The following ITPR1 variants were observed in gnomAD, a reference collection of about 807,000 sequenced individuals.
The protein encoded by ITPR1 is inositol 1,4,5-trisphosphate-gated calcium channel ITPR1.
A neutral mutation model predicts 318.4 loss-of-function variants in ITPR1; 96 were observed. The ratio of observed to expected loss-of-function variants is 0.30; its 90% CI spans 0.26 to 0.36. ITPR1 has a LOEUF of 0.36. Ranked by LOEUF, ITPR1 falls within the 10% of genes least tolerant of loss-of-function variation. The pLI, the probability that ITPR1 is intolerant of heterozygous loss-of-function variation, is 1.00. For missense variants in ITPR1, 2,440 were observed against 3,460.2 expected, an observed-to-expected ratio of 0.71 and a Z score of 7.40; for synonymous variants, 1,312 against 1,289.9, an observed-to-expected ratio of 1.02 and a Z score of -0.37.
chr3:4,845,107 G>A (rs1259903944), intron 61 of ITPR1, among the ~76,000 whole-genome samples: 1 of 152,218 alleles, frequency 6.6e-6, no homozygotes, highest in East Asian at 1.9e-4. Flanking sequence ...TGAGAAAACA[G>A]ACTTTGATAA....
chr3:4,662,117 A>T lies in ITPR1; in HGVS notation c.1287A>T (p.Ala429=). The change falls in exon 15 of 62, where the codon GCA becomes GCT. Residue 429 remains alanine, a synonymous_variant. Coordinates refer to ENST00000649015, the MANE Select transcript of ITPR1 (RefSeq NM_001378452.1). The stretch of plus-strand genomic sequence containing the variant: ...CTCCTGTGAAGGAGGATAAGGAAGC[A>T]TTTGCCATAGTTCCGGTTTCTCCTG... The part of the protein sequence containing the change: ...GTSPVKEDKE[A]FAIVPVSPAE... 6.2e-7 allele frequency: 1 copy of T among 1,613,822 alleles called. No individual in the cohort carries two copies.
chr3:4,753,696 C>A (rs1449617985), intron 44 of ITPR1, among the ~76,000 whole-genome samples: 1 of 152,144 alleles, frequency 6.6e-6, no homozygotes, highest in African/African-American at 2.4e-5. Context: ...AAGCCAGTGT[C>A]CTTGCCTCCA....
intron 4 of ITPR1, among the ~76,000 whole-genome samples, chr3:4,624,958 A>G (rs892569389): frequency 2.0e-5 from 3 of 152,342 alleles, no homozygotes. Flanking sequence ...GCAAATGACC[A>G]TGACCTGTGT....
chr3:4,771,833 C>T (rs2171537), intron 46 of ITPR1, among the ~76,000 whole-genome samples: 103,407 of 151,874 alleles, frequency 0.68, 35,984 homozygotes, highest in East Asian at 0.76. Context: ...CTTGGGGGAG[C>T]GCACGGGATC....
intron 39 of ITPR1, among the ~76,000 whole-genome samples, chr3:4,712,527 CA>C (rs1442573930): frequency 6.6e-6 from 1 of 152,208 alleles, no homozygotes; most frequent in Non-Finnish European, 1.5e-5. Flanking sequence ...CACTCATTTT[CA>C]TTTGAAGGTA....
At chr3:4,764,659 C>T (rs2045689412) in intron 44 of ITPR1, among the ~76,000 whole-genome samples, 1 of 152,158 alleles carries the variant, frequency 6.6e-6, no homozygotes, top group South Asian at 2.1e-4. Context: ...GTGGTGGGCC[C>T]AAAAGATGAG....
chr3:4,703,185 A>G (rs1036173369), intron 36 of ITPR1, among the ~76,000 whole-genome samples: 1 of 152,196 alleles, frequency 6.6e-6, no homozygotes, highest in Admixed American at 6.5e-5. Flanking sequence ...GCCTAGATAA[A>G]CAAGCTTCCA....
chr3:4,591,443 C>G (rs1389050432), intron 4 of ITPR1, among the ~76,000 whole-genome samples: 3 of 152,178 alleles, frequency 2.0e-5, no homozygotes, highest in African/African-American at 7.2e-5. Flanking sequence ...GATGGTATCT[C>G]ATTGAGGTTT....
At chr3:4,534,120 C>G (rs1168720473) in intron 4 of ITPR1, among the ~76,000 whole-genome samples, 1 of 152,188 alleles carries the variant, frequency 6.6e-6, no homozygotes, top group Non-Finnish European at 1.5e-5. Flanking sequence ...ACTTCTTTTT[C>G]TCTTTTAATA....
At chr3:4,726,648 T>A (rs543863555) in intron 41 of ITPR1, among the ~76,000 whole-genome samples, 12 of 152,128 alleles carry the variant, frequency 7.9e-5, no homozygotes, top group Non-Finnish European at 1.5e-4. Context: ...CTGTTAACGG[T>A]TTTGTTACAA....
Position 4,622,355 on chromosome 3 carries a change from C to T in ITPR1, c.164-5408C>T, listed in dbSNP as rs182498006. 8.9e-3 allele frequency among the ~76,000 whole-genome samples: 1,346 copies of T among 151,228 alleles called. 13 individuals are homozygous for T. The highest frequency in any genetic ancestry group is 0.034 in the South Asian group (160 of 4,768). ...GTCTCGATCTCTTGACCTCGTGATC[C>T]GCCTGCCTTGGCCTCCCAAAGTGCT... On this transcript the variant is annotated intron_variant, in intron 4 of 61. Transcript: ENST00000649015.
intron 34 of ITPR1, among the ~76,000 whole-genome samples, 168 bp downstream of exon 34, chr3:4,697,440 A>T (rs1404595018): frequency 2.5e-5 from 3 of 120,378 alleles, no homozygotes; most frequent in Admixed American, 8.5e-5. Flanking sequence ...CTTTCTTCTC[A>T]TGTATCCTTT....
chr3:4,837,888 T>C (rs1458472724), intron 61 of ITPR1, among the ~76,000 whole-genome samples: 3 of 152,194 alleles, frequency 2.0e-5, no homozygotes, highest in East Asian at 1.9e-4. Context: ...TGTGAGTTTC[T>C]GAAAGCTCTT....
chr3:4,772,158 G>C (rs1053342872), intron 46 of ITPR1, among the ~76,000 whole-genome samples: 1 of 152,232 alleles, frequency 6.6e-6, no homozygotes, highest in Non-Finnish European at 1.5e-5. Flanking sequence ...GCCACTCTGA[G>C]TGCCATTCTG....
intron 53 of ITPR1, among the ~76,000 whole-genome samples, chr3:4,797,504 G>A (rs1281741044): frequency 2.0e-5 from 3 of 152,070 alleles, no homozygotes; most frequent in Non-Finnish European, 4.4e-5. Context: ...AAGAACCAGT[G>A]GCCTTAAAAG....
At chr3:4,666,234 A>T (rs888191539) in intron 17 of ITPR1, among the ~76,000 whole-genome samples, 2 of 152,150 alleles carry the variant, frequency 1.3e-5, no homozygotes, top group African/African-American at 4.8e-5. Flanking sequence ...ACTATACTGG[A>T]CTTTTAGAGT....
intron 11 of ITPR1, among the ~76,000 whole-genome samples, chr3:4,652,855 G>A (rs151146061): frequency 8.2e-4 from 125 of 152,226 alleles, no homozygotes; most frequent in Non-Finnish European, 1.6e-3. Flanking sequence ...AGGTGTGGTG[G>A]TGCACGCCTG....
intron 61 of ITPR1, among the ~76,000 whole-genome samples, chr3:4,843,481 G>C (rs553300683): frequency 1.2e-4 from 18 of 152,148 alleles, no homozygotes; most frequent in African/African-American, 1.7e-4. Context: ...ACATCATCTG[G>C]GAAATCGTTA....
chr3:4,668,273 A>G (rs143019878), intron 18 of ITPR1, among the ~76,000 whole-genome samples: 374 of 126,682 alleles, frequency 3.0e-3, no homozygotes, highest in African/African-American at 0.011. Flanking sequence ...CCCTCCCACT[A>G]TCTTTCCCAG....
Sources: gnomAD v4.1 joint callset for allele counts (sites outside exome capture counted in the v4.1 genomes callset) on GRCh38, gnomAD v4.1.1 for gene constraint, MANE v1.5 for transcripts, NCBI Gene and HGNC (gene_info 2026-07-23, HGNC 2026-07-21) for gene names.